The following ARHGEF19 variants were observed in gnomAD, a reference collection of about 807,000 sequenced individuals.
The protein encoded by ARHGEF19 is Rho guanine nucleotide exchange factor (GEF) 19.
A neutral mutation model predicts 87.6 loss-of-function variants in ARHGEF19; 92 were observed. That is an observed-to-expected ratio of 1.05 (90% confidence interval 0.89 to 1.25). The LOEUF is 1.25. Ranked by LOEUF, ARHGEF19 falls within the 50% of genes most tolerant of loss-of-function variation. The pLI is 0.00. For missense variants in ARHGEF19, 1,054 were observed against 1,051.8 expected (o/e 1.00, Z -0.03); for synonymous variants, 438 against 446.2 (o/e 0.98, Z 0.23).
Position 16,208,044 on chromosome 1 carries a change from T to A in ARHGEF19, c.594A>T (p.Ala198=). The A allele has an allele frequency of 6.2e-7, 1 of 1,613,814 alleles. No homozygotes were observed. Among genetic ancestry groups the A allele is most frequent in the Non-Finnish European group, 8.5e-7 (1 of 1,180,020 alleles). ...LEGPERRRFS[A]SELMTRLHSS... ...AGTGCAGCCGGGTCATCAGCTCCGA[T>A]GCCGAGAAGCGCCTCCGCTCAGGAC... The change falls in exon 3 of 16, where the codon GCA becomes GCT. Residue 198 remains alanine (A), a synonymous_variant. Coordinates refer to ENST00000270747, the MANE Select transcript of ARHGEF19 (RefSeq NM_153213.5).
chr1:16,211,359 G>A (rs74054957), intron 1 of ARHGEF19, among the ~76,000 whole-genome samples: 3,067 of 152,310 alleles, frequency 0.02, 109 homozygotes, highest in African/African-American at 0.069. Context: ...GTGCAGGCAT[G>A]TACACATGCC....
At chr1:16,208,373 A>G in intron 2 of ARHGEF19, 148 bp from the exon 3 acceptor site, 1 of 1,124,812 alleles carries the variant, frequency 8.9e-7, no homozygotes, top group Non-Finnish European at 1.2e-6. Context: ...TGGTCCCCAG[A>G]GCCCTGGGGT....
In ARHGEF19 at chr1:16,205,247, G is replaced by A. The variant is rs535886162; in HGVS notation, c.1657-71C>T. ...TCCCAGAGCCCAGCCTCAGACTCTT[G>A]CCTGGGGACCGGAGACTCTGACAGC... On this transcript the variant is annotated intron_variant, in intron 10 of 15. Transcript: ENST00000270747. The surrounding 1 kb of genome is among the most constrained non-coding windows in gnomAD (Gnocchi z 5.8). The A allele has an allele frequency of 6.3e-7, 1 of 1,597,486 alleles. No individual in the cohort carries two copies. Among genetic ancestry groups the A allele is most frequent in the East Asian group, 2.3e-5 (1 of 44,436 alleles).
At chr1:16,203,702 A>G in intron 12 of ARHGEF19, among the ~76,000 whole-genome samples, 1 of 151,936 alleles carries the variant, frequency 6.6e-6, no homozygotes, top group East Asian at 1.9e-4. Context: ...CCCTACCATG[A>G]CTCTGCTGTA....
Position 16,205,833 on chromosome 1 carries a change from C to T in ARHGEF19, c.1451+98G>A. 1 of 1,503,354 alleles carries T rather than the reference C, an allele frequency of 6.7e-7. No individual in the cohort carries two copies. The highest frequency in any genetic ancestry group is 8.9e-7 in the Non-Finnish European group (1 of 1,120,236). 93.1% of individuals were successfully genotyped at this position (1,503,354 alleles called of 1,614,324 possible). ...CACAGAGACCTTTTCAGGGACCCCT[C>T]CCCTCCCAGAGTCACCTTACGTCAC... On this transcript the variant is annotated intron_variant, in intron 8 of 15. Coordinates refer to ENST00000270747, the MANE Select transcript of ARHGEF19 (RefSeq NM_153213.5). This position sits in a 1 kb window ranked among gnomAD's most constrained non-coding sequence, Gnocchi z 5.8.
chr1:16,201,723 G>T (rs6676143), intron 14 of ARHGEF19, 59 bp downstream of exon 14: 743,776 of 1,557,130 alleles, frequency 0.48, 181,103 homozygotes, highest in East Asian at 0.73. Context: ...AGGATGGGAG[G>T]GGAGGAGAGC....
In ARHGEF19 at chr1:16,201,883, T is replaced by C. The variant is rs781392668; in HGVS notation, c.2067-22A>G. The C allele has an allele frequency of 4.3e-6, 7 of 1,611,868 alleles. No homozygotes were observed. In the Admixed American group the frequency reaches 5.0e-5, roughly 12 times the overall value. Reference sequence around the variant, plus strand: ...ACTTCTAGGGAAGGGGGAGGCTAAGTTGTCACAATATGCAAAGTGCAGTTG... The same window carrying C: ...ACTTCTAGGGAAGGGGGAGGCTAAGCTGTCACAATATGCAAAGTGCAGTTG... On this transcript the variant is annotated intron_variant, in intron 13 of 15. Transcript: ENST00000270747.
chr1:16,202,652 C>T, intron 12 of ARHGEF19, 78 bp from the exon 13 acceptor site: 1 of 1,550,758 alleles, frequency 6.4e-7, no homozygotes, highest in Non-Finnish European at 8.7e-7. Flanking sequence ...CAGGTGGGTT[C>T]TGACTGGAAG....
At position 16,206,185 on chromosome 1, in the gene ARHGEF19, G is replaced by A. The variant is rs1279527034; in HGVS notation, c.1293C>T (p.Ser431=). ...FSKLPEVKST[S]ERFLQDLEQR... The stretch of plus-strand genomic sequence containing the variant: ...AGGCCAGACCACTTCTTCACCTCTC[G>A]CTGGTGCTCTTGACCTCGGGCAGTT... Residue 431 remains serine (S), a synonymous_variant, in exon 7 of 16, where the codon AGC becomes AGT. Transcript: ENST00000270747. The surrounding 1 kb of genome is among the most constrained non-coding windows in gnomAD (Gnocchi z 4.6). The A allele has an allele frequency of 5.6e-6, 9 of 1,594,898 alleles. No homozygotes were observed. In the Admixed American group the frequency reaches 1.4e-4, roughly 24 times the overall value.
In ARHGEF19 at chr1:16,202,553, G is replaced by A. The variant is rs372769486; in HGVS notation, c.1929C>T (p.Phe643=). ...GCAGCTCAGCCATCTTGGCATGGACGAAAACGGCAAACTTCCCTAGCCTGG... is the reference window on the plus strand; with the variant it reads ...GCAGCTCAGCCATCTTGGCATGGACAAAAACGGCAAACTTCCCTAGCCTGG... ...RRKELGKFAV[F]VHAKMAELQV... is the part of the protein sequence containing the mutation. The change falls in exon 13 of 16, where the codon TTC becomes TTT. Residue 643 remains phenylalanine (F), a synonymous_variant. Coordinates refer to ENST00000270747, the MANE Select transcript of ARHGEF19 (RefSeq NM_153213.5). 41 of 1,613,692 alleles carry A rather than the reference G, an allele frequency of 2.5e-5. No individual in the cohort carries two copies. The Admixed American group carries it at 3.3e-4, about 13-fold the overall frequency.
At chr1:16,200,583 A>C (rs1217560072) in intron 14 of ARHGEF19, among the ~76,000 whole-genome samples, 3 of 152,120 alleles carry the variant, frequency 2.0e-5, no homozygotes, top group Non-Finnish European at 4.4e-5. Context: ...GCCTCTACCA[A>C]AAATACAAAA....
chr1:16,205,599 G>C lies in ARHGEF19; in HGVS notation c.1520C>G (p.Pro507Arg). The C allele has an allele frequency of 6.2e-7, 1 of 1,613,962 alleles. No individual in the cohort carries two copies. Among genetic ancestry groups the C allele is most frequent in the Non-Finnish European group, 8.5e-7 (1 of 1,179,946 alleles). The change falls in exon 9 of 16, where the codon CCC (proline) becomes CGC (arginine). Residue 507 changes from proline (P) to arginine (R), a missense_variant. By Grantham distance (103) the Pro-to-Arg change is moderately radical (BLOSUM62 -2). Transcript: ENST00000270747. The surrounding 1 kb of genome is among the most constrained non-coding windows in gnomAD (Gnocchi z 5.8). The part of the protein sequence containing the change: ...LEESPVCQRL[P>R]LTSFLILPFQ... Reference sequence around the variant, plus strand: ...GGGCAGGATAAGGAAGGAGGTAAGGGGCAGACGCTGGCACACAGGAGACTC... The same window carrying C: ...GGGCAGGATAAGGAAGGAGGTAAGGCGCAGACGCTGGCACACAGGAGACTC...
At position 16,201,655 on chromosome 1, in the gene ARHGEF19, CCT is replaced by C. The variant is rs1005331505; in HGVS notation, c.2146+125_2146+126del. On this transcript the variant is annotated intron_variant, in intron 14 of 15. Transcript: ENST00000270747. ...GCCTTCAAGGTTCCTCAGAGCTACC[CCT>C]GACTGCCCCAGAAGTTGGTCTCTCT... is the stretch of plus-strand genomic sequence containing the variant. 1.6e-5 allele frequency: 15 copies of C among 951,650 alleles called. No homozygotes were observed. The African/African-American group carries it at 2.3e-4, about 15-fold the overall frequency. The allele number at this position is 951,650 out of a possible 1,614,324, so 59.0% of individuals were successfully genotyped here.
chr1:16,209,200 A>C, intron 1 of ARHGEF19, 117 bp from the exon 2 acceptor site: 3 of 611,130 alleles, frequency 4.9e-6, no homozygotes, highest in Non-Finnish European at 7.4e-6. Flanking sequence ...ATCTCCACAA[A>C]CACACTCACA....
In ARHGEF19 at chr1:16,206,841, A is replaced by T. The variant is rs989837693; in HGVS notation, c.1137+107T>A. 2.9e-5 allele frequency: 37 copies of T among 1,294,826 alleles called. 1 individual carries two copies. Among genetic ancestry groups the T allele is most frequent in the Middle Eastern group, 5.6e-4 (2 of 3,580 alleles). The allele number at this position is 1,294,826 out of a possible 1,614,324, so 80.2% of individuals were successfully genotyped here. On this transcript the variant is annotated intron_variant, in intron 6 of 15. Transcript: ENST00000270747. The surrounding 1 kb of genome is among the most constrained non-coding windows in gnomAD (Gnocchi z 4.6). Reference sequence around the variant, plus strand: ...TTCCGCGCGGACAGTCGCGCCAGCAACCCCCTTTGTGTGTCCCCCTCCCTC... The same window carrying T: ...TTCCGCGCGGACAGTCGCGCCAGCATCCCCCTTTGTGTGTCCCCCTCCCTC...
In ARHGEF19 at chr1:16,204,831, T is replaced by A. The variant is rs1249950739; in HGVS notation, c.1835A>T (p.Lys612Met). Reference protein sequence around the residue: ...LAPLPAAPPAKLKLSSKAVYL... With the variant: ...LAPLPAAPPAMLKLSSKAVYL... The stretch of plus-strand genomic sequence containing the variant: ...GACTGCCTTGCTGGACAGCTTCAGC[T>A]TGGCAGGGGGTGCTGCAGGCAGTGG... The change falls in exon 12 of 16, where the codon AAG becomes ATG. Residue 612 changes from lysine to methionine, a missense_variant. By Grantham distance (95) the Lys-to-Met change is moderately conservative. Coordinates refer to ENST00000270747, the MANE Select transcript of ARHGEF19 (RefSeq NM_153213.5). 3 of 1,610,510 alleles carry A rather than the reference T, an allele frequency of 1.9e-6. No individual in the cohort carries two copies. In the South Asian group the frequency reaches 3.3e-5, roughly 18 times the overall value.
intron 12 of ARHGEF19, among the ~76,000 whole-genome samples, chr1:16,202,908 G>T (rs2081095551): frequency 6.6e-6 from 1 of 151,788 alleles, no homozygotes; most frequent in South Asian, 2.1e-4. Context: ...ACAGAGTCTC[G>T]CTCTGTCTCC....
At chr1:16,211,344 C>T (rs1163866417) in intron 1 of ARHGEF19, among the ~76,000 whole-genome samples, 1 of 152,192 alleles carries the variant, frequency 6.6e-6, no homozygotes, top group African/African-American at 2.4e-5. Context: ...TCTGGGGGCA[C>T]ACATGTGCAG....
intron 1 of ARHGEF19, among the ~76,000 whole-genome samples, chr1:16,212,166 C>G (rs767390125): frequency 1.3e-5 from 2 of 152,234 alleles, no homozygotes; most frequent in Non-Finnish European, 2.9e-5. Flanking sequence ...GCCCACTTAG[C>G]AAGGCTGCCA....
Sources: gnomAD v4.1 joint callset for allele counts (sites outside exome capture counted in the v4.1 genomes callset) on GRCh38, gnomAD v4.1.1 for gene constraint, Gnocchi (gnomAD v3.1) non-coding constraint, MANE v1.5 for transcripts, NCBI Gene and HGNC (gene_info 2026-07-23, HGNC 2026-07-21) for gene names.